The following MYO16 variants were observed in gnomAD, a reference collection of about 807,000 sequenced individuals.
The protein encoded by MYO16 is myosin XVI.
In MYO16, 94 loss-of-function variants were observed where a neutral mutation model predicts 205.3. That is an observed-to-expected ratio of 0.46 (90% confidence interval 0.39 to 0.54). The LOEUF (loss-of-function observed/expected upper bound fraction) is 0.54. Ranked by LOEUF, MYO16 falls within the 20% of genes least tolerant of loss-of-function variation. The pLI is 0.00. For missense variants in MYO16, 2,315 were observed against 2,387.5 expected (o/e 0.97, Z 0.63); for synonymous variants, 988 against 954.0 (o/e 1.04, Z -0.66).
chr13:108,993,532 C>T (rs529306168), intron 21 of MYO16, among the ~76,000 whole-genome samples: 97 of 152,258 alleles, frequency 6.4e-4, no homozygotes, highest in African/African-American at 2.2e-3. Context: ...ATGTTAATTA[C>T]GCTGACTTAC....
the MYO16 span, among the ~76,000 whole-genome samples, chr13:108,566,809 G>A: frequency 6.6e-6 from 1 of 151,830 alleles, no homozygotes; most frequent in African/African-American, 2.4e-5. Flanking sequence ...AATTGAGTGG[G>A]TGTTTAACTT....
chr13:108,859,115 A>G lies in MYO16; in HGVS notation c.1359+3562A>G, dbSNP rs539273352. On this transcript the variant is annotated intron_variant, in intron 11 of 34. Coordinates refer to ENST00000457511, the MANE Select transcript of MYO16 (RefSeq NM_001198950.3). Reference sequence around the variant, plus strand: ...CTCCACAAACTTACCACTCTCTAACATACTGTATATTTTTCTTATTTAGAT... The same window carrying G: ...CTCCACAAACTTACCACTCTCTAACGTACTGTATATTTTTCTTATTTAGAT... Among the ~76,000 whole-genome samples the G allele has an allele frequency of 3.0e-4, 46 of 152,188 alleles. No homozygotes were observed. In the South Asian group the frequency reaches 6.9e-3, roughly 23 times the overall value.
At chr13:109,092,312 CTA>C (rs1888648440) in intron 27 of MYO16, among the ~76,000 whole-genome samples, 1 of 152,048 alleles carries the variant, frequency 6.6e-6, no homozygotes, top group South Asian at 2.1e-4. Context: ...TTAAAATTCA[CTA>C]TGTTTTAAAA....
At chr13:108,747,512 CAGTA>C (rs1885102867) in intron 4 of MYO16, among the ~76,000 whole-genome samples, 1 of 151,934 alleles carries the variant, frequency 6.6e-6, no homozygotes, top group African/African-American at 2.4e-5. Flanking sequence ...TTAGAACAAC[CAGTA>C]AAAATTTTTC....
intron 20 of MYO16, among the ~76,000 whole-genome samples, chr13:108,968,081 GCA>G (rs1883864603): frequency 6.6e-6 from 1 of 152,176 alleles, no homozygotes; most frequent in African/African-American, 2.4e-5. Context: ...AGTAACGCAA[GCA>G]CAGTTTCGCT....
upstream of MYO16, among the ~76,000 whole-genome samples, chr13:108,591,366 A>C (rs1411159397): frequency 2.0e-5 from 3 of 152,214 alleles, no homozygotes; most frequent in Non-Finnish European, 4.4e-5. Flanking sequence ...AACATAAAAG[A>C]GGAGCATTCA....
intron 9 of MYO16, among the ~76,000 whole-genome samples, chr13:108,828,431 C>A (rs532392485): frequency 2.6e-5 from 4 of 152,176 alleles, no homozygotes; most frequent in African/African-American, 9.6e-5. Context: ...TTCAGTCAAC[C>A]TCTTTGTGAC....
the MYO16 span, among the ~76,000 whole-genome samples, chr13:108,496,149 G>C: frequency 6.6e-6 from 1 of 152,182 alleles, no homozygotes; most frequent in Non-Finnish European, 1.5e-5. Context: ...GAGGCTTGTC[G>C]GTCCCTTCCT....
intron 4 of MYO16, among the ~76,000 whole-genome samples, chr13:108,762,721 C>A (rs1885650001): frequency 6.6e-6 from 1 of 152,150 alleles, no homozygotes; most frequent in Admixed American, 6.5e-5. Flanking sequence ...CAACTACATT[C>A]TGGAATTTTA....
In MYO16 at chr13:108,789,690, ATC is replaced by A. The variant is rs1886559534; in HGVS notation, c.617-3822_617-3821del. Reference sequence around the variant, plus strand: ...CTGCTCAGCTCTTTTACTTCTGTGCATCTCTTAGAACACTTATTATGAAGATA... The same window carrying A: ...CTGCTCAGCTCTTTTACTTCTGTGCATCTTAGAACACTTATTATGAAGATA... On this transcript the variant is annotated intron_variant, in intron 5 of 34. Coordinates refer to ENST00000457511, the MANE Select transcript of MYO16 (RefSeq NM_001198950.3). Among the ~76,000 whole-genome samples the A allele has an allele frequency of 2.6e-5, 4 of 152,268 alleles. No individual in the cohort carries two copies. The South Asian group carries it at 8.3e-4, about 32-fold the overall frequency.
chr13:108,795,626 A>C (rs1886768247), intron 6 of MYO16, among the ~76,000 whole-genome samples: 2 of 152,242 alleles, frequency 1.3e-5, no homozygotes, highest in African/African-American at 4.8e-5. Flanking sequence ...AAAGAAAGCA[A>C]AGCATATTTA....
At chr13:108,681,207 T>C (rs1430741307) in intron 2 of MYO16, among the ~76,000 whole-genome samples, 2 of 152,232 alleles carry the variant, frequency 1.3e-5, no homozygotes, top group Non-Finnish European at 2.9e-5. Flanking sequence ...GGCTATTTTT[T>C]TCTAGAAACT....
At chr13:108,949,470 A>C (rs529201440) in intron 16 of MYO16, among the ~76,000 whole-genome samples, 3 of 152,314 alleles carry the variant, frequency 2.0e-5, no homozygotes, top group Admixed American at 6.5e-5. Context: ...TTAAATACTT[A>C]AGTATACACT....
At chr13:108,728,331 G>T (rs115418546) in intron 4 of MYO16, among the ~76,000 whole-genome samples, 124 of 152,200 alleles carry the variant, frequency 8.1e-4, no homozygotes, top group African/African-American at 2.8e-3. Flanking sequence ...ACAACTTGCC[G>T]TAAGCCAAAA....
intron 11 of MYO16, among the ~76,000 whole-genome samples, chr13:108,864,488 A>T (rs1408983765): frequency 6.6e-6 from 1 of 152,044 alleles, no homozygotes; most frequent in Non-Finnish European, 1.5e-5. Flanking sequence ...AAAATTGTAT[A>T]TTTTTAAGGG....
At chr13:108,817,082 G>A (rs181710356) in intron 7 of MYO16, among the ~76,000 whole-genome samples, 114 of 152,058 alleles carry the variant, frequency 7.5e-4, no homozygotes, top group Non-Finnish European at 2.8e-4. Context: ...TGGCAAAATT[G>A]CCAGTGAGGA....
intron 31 of MYO16, among the ~76,000 whole-genome samples, chr13:109,137,308 G>A (rs1876823111): frequency 6.6e-6 from 1 of 152,196 alleles, no homozygotes; most frequent in African/African-American, 2.4e-5. Flanking sequence ...TCTAATCATT[G>A]TATTCACTGG....
chr13:108,865,132 T>C (rs1312721303), intron 11 of MYO16, among the ~76,000 whole-genome samples: 3 of 152,174 alleles, frequency 2.0e-5, no homozygotes, highest in East Asian at 3.9e-4. Context: ...TCAAATCTTT[T>C]AAGTTTAATG....
intron 24 of MYO16, among the ~76,000 whole-genome samples, chr13:109,049,696 T>TAG (rs1382176044): frequency 2.6e-5 from 4 of 152,110 alleles, no homozygotes; most frequent in Non-Finnish European, 1.5e-5. Flanking sequence ...CACTTATACA[T>TAG]AGACCTGCTA....
Sources: allele counts gnomAD v4.1 joint callset (sites outside exome capture counted in the v4.1 genomes callset), GRCh38; gene constraint gnomAD v4.1.1; transcripts MANE v1.5; gene names NCBI Gene and HGNC (gene_info 2026-07-23, HGNC 2026-07-21).